CCDC13: variants seen among roughly 807,000 people sequenced by gnomAD.
CCDC13 encodes the protein coiled-coil domain containing 13.
Under a neutral mutation model 87.3 loss-of-function variants are expected in CCDC13, and 70 were observed. That is an observed-to-expected ratio of 0.80 (90% CI 0.66 to 0.98). The LOEUF (loss-of-function observed/expected upper bound fraction) is 0.98, where lower values mean the gene tolerates loss of function less well. Among genes scored for constraint, CCDC13 ranks in the 50% least tolerant of loss-of-function variants. The pLI is 0.00. For synonymous variants in CCDC13, 317 were observed against 360.3 expected (o/e 0.88, Z 1.36); for missense variants, 842 against 892.0 (o/e 0.94, Z 0.71).
chr3:42,741,083 A>G (rs1699201291), intron 8 of CCDC13: 1 of 152,132 alleles, frequency 6.6e-6, no homozygotes, highest in Non-Finnish European at 1.5e-5. Flanking sequence ...GTTCTGCACT[A>G]ACATGTAAGT....
intron 13 of CCDC13, among the ~76,000 whole-genome samples, chr3:42,723,550 A>G (rs1278048575): frequency 1.3e-5 from 2 of 152,230 alleles, no homozygotes; most frequent in African/African-American, 2.4e-5. Context: ...CAGTAAAAAT[A>G]GAGGAAAAAA....
chr3:42,772,267 C>CAAAAAAAAAAAAAAAAAAAAAGAA (rs1700136548), intron 1 of CCDC13, among the ~76,000 whole-genome samples: 2 of 113,850 alleles, frequency 1.8e-5, no homozygotes, highest in Admixed American at 1.1e-4. Context: ...GAGACTCCGT[C>CAAAAAAAAAAAAAAAAAAAAAGAA]AAAAAAAAAA....
intron 1 of CCDC13, among the ~76,000 whole-genome samples, chr3:42,772,962 A>C (rs1700169794): frequency 2.0e-5 from 3 of 152,166 alleles, no homozygotes; most frequent in Admixed American, 6.5e-5. Flanking sequence ...TACTGCATGG[A>C]AAATAAGCGT....
chr3:42,734,566 T>C (rs1698941961), intron 10 of CCDC13, among the ~76,000 whole-genome samples: 1 of 152,194 alleles, frequency 6.6e-6, no homozygotes, highest in Admixed American at 6.5e-5. Context: ...CCTGTGGGAA[T>C]AGAGGCTACA....
chr3:42,714,576 A>G (rs758486339), intron 13 of CCDC13, among the ~76,000 whole-genome samples: 1 of 152,212 alleles, frequency 6.6e-6, no homozygotes, highest in Non-Finnish European at 1.5e-5. Context: ...TCAGACTTCT[A>G]TGATACTAAA....
intron 5 of CCDC13, chr3:42,750,054 C>T: frequency 2.5e-6 from 1 of 406,964 alleles, no homozygotes; most frequent in South Asian, 1.7e-5. Context: ...GCCCATCACA[C>T]ACTCTTCTCT....
intron 8 of CCDC13, among the ~76,000 whole-genome samples, chr3:42,741,892 T>C (rs1328981574): frequency 6.6e-6 from 1 of 152,288 alleles, no homozygotes; most frequent in African/African-American, 2.4e-5. Flanking sequence ...GGAGGTGCAA[T>C]GTGGTCATGG....
intron 13 of CCDC13, among the ~76,000 whole-genome samples, chr3:42,718,643 G>A (rs1316086010): frequency 6.6e-6 from 1 of 152,064 alleles, no homozygotes; most frequent in Non-Finnish European, 1.5e-5. Flanking sequence ...CCAACTCAAA[G>A]GTTAACTTTG....
intron 2 of CCDC13, 38 bp from the exon 3 acceptor site, chr3:42,757,252 A>G: frequency 6.3e-7 from 1 of 1,598,440 alleles, no homozygotes; most frequent in Non-Finnish European, 8.5e-7. Context: ...CCTCCAAGGC[A>G]AAGGCCCTGG....
rs777628129 is a variant in CCDC13 at position 42,713,248 on chromosome 3, A to T, written c.1787T>A (p.Val596Glu). ...RKLQEERHRT[V>E]VLEQHLEKIR... is the part of the protein sequence containing the mutation. ...CTTCTCCAGATGTTGCTCCAGCACC[A>T]CGGTGCGGTGTCGCTCCTCCTGCAG... Residue 596 changes from valine to glutamate, a missense_variant, in exon 14 of 16, where the codon GTG becomes GAG. Coordinates refer to ENST00000310232, the MANE Select transcript of CCDC13 (RefSeq NM_144719.4). 9.9e-6 allele frequency: 16 copies of T among 1,614,168 alleles called. No individual in the cohort carries two copies. The highest frequency in any genetic ancestry group is 1.4e-5 in the Non-Finnish European group (16 of 1,180,014).
intron 1 of CCDC13, among the ~76,000 whole-genome samples, chr3:42,767,414 A>G (rs1699952365): frequency 6.6e-6 from 1 of 152,230 alleles, no homozygotes; most frequent in Non-Finnish European, 1.5e-5. Context: ...AAAAGACTAT[A>G]AACTATAAAA....
chr3:42,732,051 G>T (rs989982986), intron 12 of CCDC13, among the ~76,000 whole-genome samples: 6 of 152,166 alleles, frequency 3.9e-5, no homozygotes, highest in African/African-American at 1.4e-4. Flanking sequence ...CCTCAGAGAG[G>T]CAGAGCCTCC....
intron 1 of CCDC13, among the ~76,000 whole-genome samples, chr3:42,765,332 A>G (rs550999521): frequency 2.0e-4 from 30 of 152,340 alleles, no homozygotes; most frequent in African/African-American, 7.2e-4. Flanking sequence ...GAGTATTAGT[A>G]TCTAATCTGT....
At chr3:42,738,507 G>A (rs1465757168) in intron 9 of CCDC13, among the ~76,000 whole-genome samples, 1 of 152,128 alleles carries the variant, frequency 6.6e-6, no homozygotes, top group Non-Finnish European at 1.5e-5. Flanking sequence ...TGGGCAGTAT[G>A]GCCATTTTCA....
At chr3:42,715,121 A>G (rs1698397791) in intron 13 of CCDC13, among the ~76,000 whole-genome samples, 1 of 146,146 alleles carries the variant, frequency 6.8e-6, no homozygotes, top group African/African-American at 2.6e-5. Flanking sequence ...ACATGGTGAA[A>G]CCTCGTCTCT....
intron 7 of CCDC13, among the ~76,000 whole-genome samples, chr3:42,744,424 A>G (rs1442104837): frequency 6.6e-6 from 1 of 152,218 alleles, no homozygotes; most frequent in East Asian, 1.9e-4. Context: ...GGGCAGGAGC[A>G]CAGCTTTGAA....
chr3:42,716,982 TCAGTCATAAAAAGGAATGAAGTTCTGA>T (rs1239594496), intron 13 of CCDC13, among the ~76,000 whole-genome samples: 1 of 152,178 alleles, frequency 6.6e-6, no homozygotes, highest in Non-Finnish European at 1.5e-5. Flanking sequence ...AAAATATTAT[TCAGTCATAAAAAGGAATGAAGTTCTGA>T]CATATGCTAC....
chr3:42,709,638 T>G (rs758523506), intron 15 of CCDC13, 46 bp downstream of exon 15: 1 of 1,488,374 alleles, frequency 6.7e-7, no homozygotes, highest in South Asian at 1.1e-5. Context: ...GAGGCACCTC[T>G]GCTCAGACAA....
At chr3:42,755,879 C>T (rs566658067) in intron 3 of CCDC13, among the ~76,000 whole-genome samples, 1 of 152,322 alleles carries the variant, frequency 6.6e-6, no homozygotes, top group South Asian at 2.1e-4. Flanking sequence ...CCTGCTCCCC[C>T]TGGAGCCCAT....
Sources: gnomAD v4.1 joint callset for allele counts (sites outside exome capture counted in the v4.1 genomes callset) on GRCh38, gnomAD v4.1.1 for gene constraint, MANE v1.5 for transcripts, NCBI Gene and HGNC (gene_info 2026-07-23, HGNC 2026-07-21) for gene names.